NRXN3: variants seen among roughly 807,000 people sequenced by gnomAD.
NRXN3 encodes neurexin 3.
Under a neutral mutation model 137.6 loss-of-function variants are expected in NRXN3, and 32 were observed. That is an observed-to-expected ratio of 0.23 (90% CI 0.18 to 0.31). The LOEUF (loss-of-function observed/expected upper bound fraction) is 0.31. NRXN3 is among the 10% of genes least tolerant of loss of function. NRXN3 has a pLI of 1.00. For synonymous variants in NRXN3, 798 were observed against 784.5 expected, an observed-to-expected ratio of 1.02 and a Z score of -0.29; for missense variants, 1,574 against 2,062.5, an observed-to-expected ratio of 0.76 and a Z score of 4.59.
chr14:79,033,645 G>A (rs191510631), intron 15 of NRXN3, among the ~76,000 whole-genome samples: 457 of 152,126 alleles, frequency 3.0e-3, no homozygotes, highest in Non-Finnish European at 5.2e-3. Context: ...TTTCCAAACC[G>A]TTCAGATTAT....
intron 15 of NRXN3, among the ~76,000 whole-genome samples, chr14:79,252,605 C>A (rs1258188593): frequency 6.6e-6 from 1 of 152,006 alleles, no homozygotes; most frequent in Non-Finnish European, 1.5e-5. Flanking sequence ...AGGGATAGTA[C>A]TTTAGAAACT....
intron 16 of NRXN3, among the ~76,000 whole-genome samples, chr14:79,629,826 C>T (rs74071241): frequency 2.7e-4 from 19 of 71,190 alleles, no homozygotes; most frequent in Middle Eastern, 9.6e-3. Context: ...TGTGTGTGTG[C>T]GTGTGTGTGT....
intron 17 of NRXN3, among the ~76,000 whole-genome samples, chr14:79,665,644 T>G (rs1286258203): frequency 1.3e-5 from 2 of 152,126 alleles, no homozygotes; most frequent in African/African-American, 4.8e-5. Flanking sequence ...GTTAGGAATT[T>G]CAAAGATTTC....
chr14:78,364,425 G>A (rs185412958), intron 4 of NRXN3, among the ~76,000 whole-genome samples: 23 of 152,250 alleles, frequency 1.5e-4, no homozygotes, highest in Admixed American at 8.5e-4. Context: ...AAAACAAGGC[G>A]TGCCTATTGC....
At chr14:79,858,380 G>A (rs975106990) in intron 20 of NRXN3, among the ~76,000 whole-genome samples, 3 of 152,094 alleles carry the variant, frequency 2.0e-5, no homozygotes, top group African/African-American at 4.8e-5. Context: ...GCAAATGAAT[G>A]CCACTCTGTA....
chr14:79,349,545 TACACACACACACACACACACACACAC>T (rs71131694), intron 15 of NRXN3, among the ~76,000 whole-genome samples: 1 of 137,636 alleles, frequency 7.3e-6, no homozygotes, highest in East Asian at 2.1e-4. Flanking sequence ...GAAAAAAAAA[TACACACACACACACACACACACACAC>T]ACACACACAC....
intron 16 of NRXN3, among the ~76,000 whole-genome samples, chr14:79,552,981 T>A (rs1040727731): frequency 6.6e-6 from 1 of 152,050 alleles, no homozygotes; most frequent in Non-Finnish European, 1.5e-5. Flanking sequence ...ACCATTGCAT[T>A]CCTTCTGGAT....
intron 8 of NRXN3, among the ~76,000 whole-genome samples, chr14:78,798,650 G>T (rs2098829620): frequency 6.6e-6 from 1 of 152,210 alleles, no homozygotes; most frequent in Non-Finnish European, 1.5e-5. Context: ...TTTCCCTTCG[G>T]CACTGCCCTA....
intron 15 of NRXN3, among the ~76,000 whole-genome samples, chr14:79,185,824 A>G (rs1252517219): frequency 6.6e-6 from 1 of 152,164 alleles, no homozygotes; most frequent in Non-Finnish European, 1.5e-5. Flanking sequence ...ATCCTATTTT[A>G]TATATGAGGA....
intron 16 of NRXN3, among the ~76,000 whole-genome samples, chr14:79,470,753 A>G (rs1395577560): frequency 2.6e-5 from 4 of 152,148 alleles, no homozygotes; most frequent in African/African-American, 9.7e-5. Context: ...TAAAATAACA[A>G]CAACAATAAA....
chr14:79,249,578 G>A (rs922436923), intron 15 of NRXN3, among the ~76,000 whole-genome samples: 2 of 152,108 alleles, frequency 1.3e-5, no homozygotes, highest in Non-Finnish European at 2.9e-5. Context: ...GAGGCAACTC[G>A]GTTATCACTT....
At chr14:78,699,180 G>C (rs1489114827) in intron 6 of NRXN3, among the ~76,000 whole-genome samples, 1 of 151,980 alleles carries the variant, frequency 6.6e-6, no homozygotes, top group Non-Finnish European at 1.5e-5. Flanking sequence ...TGGGGGCGGA[G>C]AGGAAGAAAT....
chr14:79,417,447 G>A (rs1032617472), intron 15 of NRXN3, among the ~76,000 whole-genome samples: 1 of 151,998 alleles, frequency 6.6e-6, no homozygotes, highest in African/African-American at 2.4e-5. Flanking sequence ...AGAGAATTTG[G>A]CACAATTATT....
intron 15 of NRXN3, among the ~76,000 whole-genome samples, chr14:79,390,716 G>C (rs1270722225): frequency 1.3e-5 from 2 of 152,120 alleles, no homozygotes; most frequent in African/African-American, 4.8e-5. Context: ...ATCATTATGT[G>C]CACATACATT....
intron 19 of NRXN3, among the ~76,000 whole-genome samples, chr14:79,743,762 T>C (rs953368845): frequency 6.6e-6 from 1 of 152,150 alleles, no homozygotes; most frequent in Non-Finnish European, 1.5e-5. Flanking sequence ...TATACAAGTG[T>C]ACAGGAGTCA....
intron 10 of NRXN3, among the ~76,000 whole-genome samples, chr14:78,876,425 T>A (rs1430549631): frequency 6.6e-6 from 1 of 152,190 alleles, no homozygotes; most frequent in Non-Finnish European, 1.5e-5. Context: ...TATTTGCGGA[T>A]TTATTTATTG....
chr14:78,770,296 T>C (rs912598730), intron 8 of NRXN3, among the ~76,000 whole-genome samples: 1 of 152,192 alleles, frequency 6.6e-6, no homozygotes, highest in Non-Finnish European at 1.5e-5. Flanking sequence ...ATTGGTGCTT[T>C]CCGTGGCGTG....
chr14:78,562,124 C>T (rs1484306791), intron 4 of NRXN3, among the ~76,000 whole-genome samples: 6 of 152,016 alleles, frequency 3.9e-5, no homozygotes, highest in South Asian at 2.1e-4. Context: ...GCAGGTGGGG[C>T]ACGATGTCTC....
chr14:78,381,925 G>T (rs183222513), intron 4 of NRXN3, among the ~76,000 whole-genome samples: 1 of 152,276 alleles, frequency 6.6e-6, no homozygotes, highest in Admixed American at 6.5e-5. Context: ...CCACTGTCTA[G>T]GCCTGGGGAG....
Sources: allele counts gnomAD v4.1 joint callset (sites outside exome capture counted in the v4.1 genomes callset), GRCh38; gene constraint gnomAD v4.1.1; transcripts MANE v1.5; gene names NCBI Gene and HGNC (gene_info 2026-07-23, HGNC 2026-07-21).